GRIN2D: variants seen among roughly 807,000 people sequenced by gnomAD.
GRIN2D encodes glutamate receptor ionotropic, NMDA 2D.
In GRIN2D, 37 loss-of-function variants were observed where a neutral mutation model predicts 103.2. That is an observed-to-expected ratio of 0.36 (90% confidence interval 0.28 to 0.47). The LOEUF is 0.47. GRIN2D is among the 20% of genes least tolerant of loss of function. GRIN2D has a pLI of 1.00. For synonymous variants in GRIN2D, 845 were observed against 885.6 expected, an observed-to-expected ratio of 0.95 and a Z score of 0.81; for missense variants, 1,557 against 1,910.6, an observed-to-expected ratio of 0.81 and a Z score of 3.45.
At chr19:48,418,931 A>G (rs1970979680) in intron 8 of GRIN2D, among the ~76,000 whole-genome samples, 1 of 152,092 alleles carries the variant, frequency 6.6e-6, no homozygotes, top group South Asian at 2.1e-4. Context: ...TGGGTGTGCC[A>G]TAAGACTATC....
chr19:48,402,793 AG>A lies in GRIN2D; in HGVS notation c.466-1940del, dbSNP rs1569059438. On this transcript the variant is annotated intron_variant, in intron 3 of 13. Transcript: ENST00000263269. Reference sequence around the variant, plus strand: ...GAGAGAGAGAGAGAGAGAGAGAGAGAGAGAGAGAGAGAATAGGGAACAGTCT... The same window carrying A: ...GAGAGAGAGAGAGAGAGAGAGAGAGAAGAGAGAGAGAATAGGGAACAGTCT... 6.1e-3 allele frequency among the ~76,000 whole-genome samples: 916 copies of A among 149,032 alleles called. 16 individuals are homozygous for A. The highest frequency in any genetic ancestry group is 0.021 in the African/African-American group (858 of 40,558).
At chr19:48,425,345 G>A (rs943098069) in intron 11 of GRIN2D, among the ~76,000 whole-genome samples, 1 of 152,086 alleles carries the variant, frequency 6.6e-6, no homozygotes, top group Non-Finnish European at 1.5e-5. Context: ...GGGTTCAAGC[G>A]ATTCTCCTGC....
rs1347753028 is a variant in GRIN2D at position 48,421,926 on chromosome 19, C to T, written c.2233C>T (p.Leu745Phe). ...CAACCAGCCCCGCGTAGAGGAAGCG[C>T]TCACTCAGCTCAAGGCAGGGTCAGC... ...RYNQPRVEEA[L>F]TQLKAGKLDA... The change falls in exon 11 of 14, where the codon CTC (leucine) becomes TTC (phenylalanine). Residue 745 changes from leucine to phenylalanine, a missense_variant. Physicochemically the swap from Leu to Phe is conservative, Grantham distance 22. Around this residue, in one of 7 missense-constraint regions of GRIN2D, gnomAD observed 138 missense variants for 270.2 expected, o/e 0.51. Transcript: ENST00000263269. This position sits in a 1 kb window ranked among gnomAD's most constrained non-coding sequence, Gnocchi z 4.8. The T allele has an allele frequency of 6.2e-7, 1 of 1,614,048 alleles. No individual in the cohort carries two copies. The highest frequency in any genetic ancestry group is 8.5e-7 in the Non-Finnish European group (1 of 1,179,954).
chr19:48,418,187 C>T (rs566071985), intron 8 of GRIN2D, among the ~76,000 whole-genome samples: 3 of 151,786 alleles, frequency 2.0e-5, no homozygotes, highest in Admixed American at 6.6e-5. Flanking sequence ...GCGCCCACCA[C>T]GACACCCAGC....
Position 48,443,186 on chromosome 19 carries a change from G to C in GRIN2D, c.3260G>C (p.Gly1087Ala), listed in dbSNP as rs1047808762. Residue 1087 changes from glycine (G) to alanine (A), a missense_variant, in exon 14 of 14, where the codon GGA becomes GCA. Gly to Ala is a moderately conservative substitution (Grantham distance 60, BLOSUM62 0). Transcript: ENST00000263269. The surrounding 1 kb of genome is among the most constrained non-coding windows in gnomAD (Gnocchi z 8.9). ...GGAGGTGGAG[G>A]GAPAAPPPCR... is the part of the protein sequence containing the mutation. ...GCGGGGGGCACGGGGGGCGCAGGCG[G>C]AGGAGCCCCGGCCGCTCCGCCCCCG... is the stretch of plus-strand genomic sequence containing the variant. 1.5e-4 allele frequency: 167 copies of C among 1,119,680 alleles called. 2 individuals are homozygous for C. Among genetic ancestry groups the C allele is most frequent in the Middle Eastern group, 3.8e-4 (1 of 2,664 alleles). 69.4% of individuals were successfully genotyped at this position (1,119,680 alleles called of 1,614,324 possible).
chr19:48,415,027 G>C lies in GRIN2D; in HGVS notation c.1576G>C (p.Gly526Arg). The change falls in exon 7 of 14, where the codon GGG (glycine) becomes CGG (arginine). Residue 526 changes from glycine to arginine, a missense_variant. Coordinates refer to ENST00000263269, the MANE Select transcript of GRIN2D (RefSeq NM_000836.4). Reference sequence around the variant, plus strand: ...CGATGGCGTCTGGAACGGCATGATCGGGGAGGTGAGGGGGCGGACGGGAGG... The same window carrying C: ...CGATGGCGTCTGGAACGGCATGATCCGGGAGGTGAGGGGGCGGACGGGAGG... ...KIDGVWNGMI[G>R]EVFYQRADMA... is the part of the protein sequence containing the mutation. 6.3e-7 allele frequency: 1 copy of C among 1,583,948 alleles called. No homozygotes were observed. Among genetic ancestry groups the C allele is most frequent in the Non-Finnish European group, 8.6e-7 (1 of 1,161,068 alleles).
rs1971294908 is a variant in GRIN2D at position 48,441,763 on chromosome 19, C to T, written c.2253-6C>T. The T allele has an allele frequency of 6.2e-7, 1 of 1,606,450 alleles. No homozygotes were observed. Among genetic ancestry groups the T allele is most frequent in the East Asian group, 2.2e-5 (1 of 44,736 alleles). On this transcript the variant is annotated splice_region_variant and splice_polypyrimidine_tract_variant and intron_variant, in intron 11 of 13. Coordinates refer to ENST00000263269, the MANE Select transcript of GRIN2D (RefSeq NM_000836.4). Reference sequence around the variant, plus strand: ...TGACCCTACCCTCCATTCCCCCTCCCCCCAGGAAGCTGGACGCCTTCATCT... The same window carrying T: ...TGACCCTACCCTCCATTCCCCCTCCTCCCAGGAAGCTGGACGCCTTCATCT...
At chr19:48,425,790 TA>T (rs1303199052) in intron 11 of GRIN2D, among the ~76,000 whole-genome samples, 1 of 152,124 alleles carries the variant, frequency 6.6e-6, no homozygotes, top group Non-Finnish European at 1.5e-5. Flanking sequence ...ATCTTTTTTT[TA>T]TTGAGATATA....
chr19:48,434,578 G>A (rs1408654584), intron 11 of GRIN2D, among the ~76,000 whole-genome samples: 4 of 151,162 alleles, frequency 2.6e-5, no homozygotes, highest in South Asian at 2.1e-4. Flanking sequence ...CTTTTCTTTC[G>A]AACTTCTTTT....
Position 48,404,646 on chromosome 19 carries a change from C to T in GRIN2D, c.466-88C>T. The T allele has an allele frequency of 3.0e-6, 4 of 1,311,500 alleles. No homozygotes were observed. In the South Asian group the frequency reaches 4.2e-5, roughly 14 times the overall value. 81.2% of individuals were successfully genotyped at this position (1,311,500 alleles called of 1,614,324 possible). A position where few individuals can be genotyped will look rare whatever the true frequency, so the allele number is the denominator to read the frequency against. ...TAGTGAACCTGTCGAGTCAGTCTGC[C>T]ATATTGGGAGCTGTGGTCCCCTTAT... On this transcript the variant is annotated intron_variant, in intron 3 of 13. Coordinates refer to ENST00000263269, the MANE Select transcript of GRIN2D (RefSeq NM_000836.4).
intron 8 of GRIN2D, among the ~76,000 whole-genome samples, chr19:48,418,033 CTTTT>C (rs1362608820): frequency 7.7e-6 from 1 of 130,146 alleles, no homozygotes. Context: ...CCTGCGAGTT[CTTTT>C]TTTTTTTTTT....
At chr19:48,440,085 C>T (rs974798119) in intron 11 of GRIN2D, among the ~76,000 whole-genome samples, 13 of 152,096 alleles carry the variant, frequency 8.5e-5, no homozygotes, top group Non-Finnish European at 1.9e-4. Context: ...GTGGTGCATG[C>T]CTATAATCCC....
At chr19:48,410,558 G>A (rs1041703000) in intron 4 of GRIN2D, among the ~76,000 whole-genome samples, 1 of 140,686 alleles carries the variant, frequency 7.1e-6, no homozygotes, top group African/African-American at 2.8e-5. Context: ...AAAAGCAGTC[G>A]GAGTGTGGGT....
intron 11 of GRIN2D, among the ~76,000 whole-genome samples, chr19:48,440,680 C>CCATT (rs1971280520): frequency 6.6e-6 from 1 of 152,018 alleles, no homozygotes; most frequent in Non-Finnish European, 1.5e-5. Flanking sequence ...ATTTTTTTCC[C>CCATT]TCAATCTTCC....
intron 2 of GRIN2D, among the ~76,000 whole-genome samples, chr19:48,395,340 C>A (rs1167472723): frequency 6.6e-6 from 1 of 151,794 alleles, no homozygotes; most frequent in Non-Finnish European, 1.5e-5. Context: ...CATGTCAGAG[C>A]TATGAGTCTG....
At chr19:48,434,191 C>T (rs920735408) in intron 11 of GRIN2D, among the ~76,000 whole-genome samples, 1 of 152,094 alleles carries the variant, frequency 6.6e-6, no homozygotes, top group Non-Finnish European at 1.5e-5. Context: ...ACCTCGTGAT[C>T]CGCCTGCCTC....
At chr19:48,436,835 C>G (rs1971237908) in intron 11 of GRIN2D, among the ~76,000 whole-genome samples, 1 of 151,994 alleles carries the variant, frequency 6.6e-6, no homozygotes, top group Non-Finnish European at 1.5e-5. Flanking sequence ...ATCTCCCAGG[C>G]CAGAGTGAGG....
chr19:48,407,328 CCTCT>C (rs373347707), intron 4 of GRIN2D, among the ~76,000 whole-genome samples: 4 of 151,530 alleles, frequency 2.6e-5, no homozygotes, highest in Non-Finnish European at 2.9e-5. Flanking sequence ...CCATCTCCTT[CCTCT>C]CTCTCTCTCT....
chr19:48,400,082 G>A (rs1156243801), intron 3 of GRIN2D, among the ~76,000 whole-genome samples: 1 of 152,236 alleles, frequency 6.6e-6, no homozygotes, highest in Non-Finnish European at 1.5e-5. Flanking sequence ...CCAGGAGCCT[G>A]CTGGGAAGGG....
Sources: gnomAD v4.1 joint callset for allele counts (sites outside exome capture counted in the v4.1 genomes callset) on GRCh38, gnomAD v4.1.1 for gene constraint, gnomAD v4.1.1 regional missense constraint, Gnocchi (gnomAD v3.1) non-coding constraint, MANE v1.5 for transcripts, NCBI Gene and HGNC (gene_info 2026-07-23, HGNC 2026-07-21) for gene names.